Variants in CYP4X1 observed in about 807,000 individuals in gnomAD.
The protein encoded by CYP4X1 is cytochrome P450 family 4 subfamily X member 1, also known as cytochrome P450 4X1.
Under a neutral mutation model 57.9 loss-of-function variants are expected in CYP4X1, and 44 were observed. The ratio of observed to expected loss-of-function variants is 0.76; its 90% CI spans 0.60 to 0.98. The LOEUF (loss-of-function observed/expected upper bound fraction) is 0.98. CYP4X1 is among the 50% of genes least tolerant of loss of function. CYP4X1 has a pLI of 0.00. For missense variants in CYP4X1, 532 were observed against 623.9 expected (o/e 0.85, Z 1.57); for synonymous variants, 227 against 228.6 (o/e 0.99, Z 0.06).
the CYP4X1 span, among the ~76,000 whole-genome samples, chr1:46,962,805 G>A: frequency 9.9e-5 from 15 of 152,212 alleles, no homozygotes; most frequent in South Asian, 3.1e-3. Context: ...TTGGATATCG[G>A]TTGTTAACTT....
chr1:46,979,180 T>A, the CYP4X1 span, among the ~76,000 whole-genome samples: 2 of 152,056 alleles, frequency 1.3e-5, no homozygotes, highest in African/African-American at 4.8e-5. Context: ...AATCAAGGAA[T>A]CCAGGAGCTG....
At chr1:46,972,011 G>A in the CYP4X1 span, among the ~76,000 whole-genome samples, 1 of 151,974 alleles carries the variant, frequency 6.6e-6, no homozygotes, top group African/African-American at 2.4e-5. Flanking sequence ...TATTTGCCAG[G>A]GCCTATGGCC....
the CYP4X1 span, among the ~76,000 whole-genome samples, chr1:46,999,231 T>TACTGA: frequency 6.6e-6 from 1 of 152,186 alleles, no homozygotes; most frequent in African/African-American, 2.4e-5. Flanking sequence ...AGACTTTTTA[T>TACTGA]TACTGATTCA....
chr1:46,981,403 A>G, the CYP4X1 span, among the ~76,000 whole-genome samples: 1 of 152,252 alleles, frequency 6.6e-6, no homozygotes, highest in Non-Finnish European at 1.5e-5. Context: ...ACTGGTCATC[A>G]GAGAAATGCA....
At chr1:47,013,093 C>T in the CYP4X1 span, among the ~76,000 whole-genome samples, 1 of 151,944 alleles carries the variant, frequency 6.6e-6, no homozygotes, top group South Asian at 2.1e-4. Context: ...TGGTTCATTC[C>T]GAGTTTGTTG....
chr1:47,035,076 G>A (rs886088251), intron 4 of CYP4X1, among the ~76,000 whole-genome samples: 15 of 150,578 alleles, frequency 1.0e-4, no homozygotes, highest in Admixed American at 3.3e-4. Flanking sequence ...CAGGTTGACC[G>A]ATAGGTCTTA....
the CYP4X1 span, among the ~76,000 whole-genome samples, chr1:47,010,280 C>T: frequency 2.0e-5 from 3 of 152,230 alleles, no homozygotes; most frequent in East Asian, 1.9e-4. Flanking sequence ...TAAATGTAAT[C>T]CAGCATATAA....
the CYP4X1 span, among the ~76,000 whole-genome samples, chr1:46,987,365 A>G: frequency 6.6e-6 from 1 of 152,196 alleles, no homozygotes; most frequent in Non-Finnish European, 1.5e-5. Flanking sequence ...CCAATACAGG[A>G]GCACCCAGAT....
chr1:46,984,376 TAAAAAAAAAAAAAAA>T, the CYP4X1 span, among the ~76,000 whole-genome samples: 7 of 118,598 alleles, frequency 5.9e-5, no homozygotes, highest in Admixed American at 2.7e-4. Context: ...GCTCTGCCTT[TAAAAAAAAAAAAAAA>T]AAAAAAAAAA....
In CYP4X1 at chr1:47,048,642, C is replaced by A; in HGVS notation, c.1272+13C>A. 1 of 1,606,452 alleles carries A rather than the reference C, an allele frequency of 6.2e-7. No individual in the cohort carries two copies. The highest frequency in any genetic ancestry group is 8.5e-7 in the Non-Finnish European group (1 of 1,177,570). ...GAAAAACCCAAAGGTATGATTCTCT[C>A]TTGTACATAAATACTTCCAAGAACT... On this transcript the variant is annotated intron_variant, in intron 10 of 11. Transcript: ENST00000371901.
chr1:46,995,486 C>G, the CYP4X1 span, among the ~76,000 whole-genome samples: 3 of 151,856 alleles, frequency 2.0e-5, no homozygotes, highest in Non-Finnish European at 2.9e-5. Flanking sequence ...GATAGAGGAG[C>G]AAGGGATGGG....
At chr1:47,007,754 C>A in the CYP4X1 span, among the ~76,000 whole-genome samples, 2 of 152,192 alleles carry the variant, frequency 1.3e-5, no homozygotes, top group Non-Finnish European at 2.9e-5. Context: ...GAGCCGAAAA[C>A]CATGGCACGA....
At chr1:46,968,394 G>A in the CYP4X1 span, among the ~76,000 whole-genome samples, 1 of 152,168 alleles carries the variant, frequency 6.6e-6, no homozygotes, top group Non-Finnish European at 1.5e-5. Context: ...CAGCTGGGCA[G>A]CATCCTAATG....
At position 47,048,573 on chromosome 1, in the gene CYP4X1, G is replaced by A. The variant is rs371700658; in HGVS notation, c.1216G>A (p.Val406Met). 17 of 1,613,968 alleles carry A rather than the reference G, an allele frequency of 1.1e-5. No homozygotes were observed. The highest frequency in any genetic ancestry group is 5.5e-5 in the South Asian group (5 of 91,082). Residue 406 changes from valine (V) to methionine (M), a missense_variant, in exon 10 of 12, where the codon GTG (valine) becomes ATG (methionine). Coordinates refer to ENST00000371901, the MANE Select transcript of CYP4X1 (RefSeq NM_178033.2). ...DGCTLPAGIT[V>M]VLSIWGLHHN... The stretch of plus-strand genomic sequence containing the variant: ...TTTCCCTCCTTTCTTAGGGATCACC[G>A]TGGTTCTTAGTATTTGGGGTCTTCA...
chr1:47,000,430 T>C, the CYP4X1 span, among the ~76,000 whole-genome samples: 4 of 152,134 alleles, frequency 2.6e-5, no homozygotes, highest in African/African-American at 9.7e-5. Context: ...GAAAGGCCTA[T>C]GGGATGGACT....
chr1:46,993,740 G>C, the CYP4X1 span, among the ~76,000 whole-genome samples: 1 of 152,158 alleles, frequency 6.6e-6, no homozygotes, highest in African/African-American at 2.4e-5. Context: ...TTTGAGAAGT[G>C]TCTGTTCATA....
At chr1:47,001,113 G>T in the CYP4X1 span, 2 of 229,470 alleles carry the variant, frequency 8.7e-6, no homozygotes, top group South Asian at 1.7e-4. Flanking sequence ...ATTGAGATGT[G>T]GTTTCAGGCC....
the CYP4X1 span, among the ~76,000 whole-genome samples, chr1:46,970,252 A>C: frequency 6.6e-6 from 1 of 152,250 alleles, no homozygotes; most frequent in Non-Finnish European, 1.5e-5. Context: ...TGAAGAAAAC[A>C]CTAGGATACA....
At chr1:47,006,258 G>C in the CYP4X1 span, among the ~76,000 whole-genome samples, 1 of 152,162 alleles carries the variant, frequency 6.6e-6, no homozygotes, top group African/African-American at 2.4e-5. Context: ...CTGTGGAATT[G>C]TTCTTATCTA....
Sources: allele counts gnomAD v4.1 joint callset (sites outside exome capture counted in the v4.1 genomes callset), GRCh38; gene constraint gnomAD v4.1.1; transcripts MANE v1.5; gene names NCBI Gene and HGNC (gene_info 2026-07-23, HGNC 2026-07-21).